The following NOL10 variants were observed in gnomAD, a reference collection of about 807,000 sequenced individuals.
NOL10 encodes the protein nucleolar protein 10, also known as H_NH0074G24.1.
In NOL10, 58 loss-of-function variants were observed where a neutral mutation model predicts 103.5. That is an observed-to-expected ratio of 0.56 (90% confidence interval 0.45 to 0.70). The LOEUF is 0.70. Among genes scored for constraint, NOL10 ranks in the 30% least tolerant of loss-of-function variants. NOL10 has a pLI of 0.00. For missense variants in NOL10, 763 were observed against 807.3 expected (o/e 0.95, Z 0.67); for synonymous variants, 287 against 282.5 (o/e 1.02, Z -0.16).
At chr2:10,688,086 C>T (rs1351274485) in intron 1 of NOL10, among the ~76,000 whole-genome samples, 1 of 152,188 alleles carries the variant, frequency 6.6e-6, no homozygotes, top group Non-Finnish European at 1.5e-5. Context: ...GTCACCTCAA[C>T]TTCCCTCTAC....
chr2:10,677,466 GTT>G lies in NOL10; in HGVS notation c.212-1597_212-1596del, dbSNP rs199868603. 7.9e-4 allele frequency among the ~76,000 whole-genome samples: 110 copies of G among 138,792 alleles called. No homozygotes were observed. The South Asian group carries it at 0.011, about 14-fold the overall frequency. 91.1% of individuals were successfully genotyped at this position (138,792 alleles called of 152,430 possible). ...GTTATTTTGTGGGGTTTTCTTTGGT[GTT>G]TTTTTTTTTTTTCCTTTTTTGAAAT... On this transcript the variant is annotated intron_variant, in intron 3 of 20. Transcript: ENST00000381685.
At chr2:10,677,529 G>A (rs1681400908) in intron 3 of NOL10, among the ~76,000 whole-genome samples, 1 of 151,286 alleles carries the variant, frequency 6.6e-6, no homozygotes, top group African/African-American at 2.4e-5. Context: ...GGAGCACAGA[G>A]GTGCAATCAC....
chr2:10,647,793 G>A (rs965130117), intron 12 of NOL10, among the ~76,000 whole-genome samples: 4 of 152,174 alleles, frequency 2.6e-5, no homozygotes, highest in African/African-American at 9.7e-5. Context: ...AGGCACTGAC[G>A]GAATAAAAGG....
intron 13 of NOL10, among the ~76,000 whole-genome samples, chr2:10,637,021 G>T (rs1372928323): frequency 6.6e-6 from 1 of 151,864 alleles, no homozygotes; most frequent in Non-Finnish European, 1.5e-5. Flanking sequence ...GGCCAACACA[G>T]CAAAACCCCA....
chr2:10,629,421 T>TG (rs1677691692), intron 13 of NOL10, among the ~76,000 whole-genome samples: 2 of 152,060 alleles, frequency 1.3e-5, no homozygotes, highest in South Asian at 2.1e-4. Flanking sequence ...AAATGTTTAG[T>TG]GGGAAAAAAA....
chr2:10,571,844 G>A lies in NOL10; in HGVS notation c.*227C>T. On this transcript the variant is annotated 3_prime_UTR_variant, in exon 21 of 21. Coordinates refer to ENST00000381685, the MANE Select transcript of NOL10 (RefSeq NM_024894.4). ...GTGGGGAAAGGACAATGTTTCCAGG[G>A]AGCAACGACTCGCAAGCACACCCCT... 1 of 414,558 alleles carries A rather than the reference G, an allele frequency of 2.4e-6. No homozygotes were observed. Among genetic ancestry groups the A allele is most frequent in the East Asian group, 3.8e-5 (1 of 26,396 alleles). The allele number at this position is 414,558 out of a possible 1,614,324, so 25.7% of individuals were successfully genotyped here. A position where few individuals can be genotyped will look rare whatever the true frequency, so the allele number is the denominator to read the frequency against.
intron 19 of NOL10, among the ~76,000 whole-genome samples, chr2:10,578,585 C>T (rs1674593711): frequency 6.6e-6 from 1 of 152,264 alleles, no homozygotes; most frequent in South Asian, 2.1e-4. Flanking sequence ...GTAATTAACA[C>T]AATCCCCCTC....
chr2:10,677,089 C>A (rs1169562439), intron 3 of NOL10, among the ~76,000 whole-genome samples: 2 of 151,940 alleles, frequency 1.3e-5, no homozygotes, highest in African/African-American at 4.8e-5. Flanking sequence ...CAGGTGCCTG[C>A]CGCCACATCT....
In NOL10 at chr2:10,571,330, G is replaced by C. The variant is rs947871685; in HGVS notation, c.*741C>G. 6.6e-6 allele frequency: 1 copy of C among 152,614 alleles called. No individual in the cohort carries two copies. Among genetic ancestry groups the C allele is most frequent in the African/African-American group, 2.4e-5 (1 of 41,426 alleles). 9.5% of individuals were successfully genotyped at this position (152,614 alleles called of 1,614,324 possible). On this transcript the variant is annotated 3_prime_UTR_variant, in exon 21 of 21. Coordinates refer to ENST00000381685, the MANE Select transcript of NOL10 (RefSeq NM_024894.4). ...TTCCGCTTCACCTTCTGCCACGATTGTAAGCTTCCCAGGGCCTCCACAGCC... is the reference window on the plus strand; with the variant it reads ...TTCCGCTTCACCTTCTGCCACGATTCTAAGCTTCCCAGGGCCTCCACAGCC...
chr2:10,641,213 C>G (rs1026239531), intron 13 of NOL10, among the ~76,000 whole-genome samples: 1 of 150,196 alleles, frequency 6.7e-6, no homozygotes, highest in Admixed American at 6.6e-5. Flanking sequence ...TGTGGTGGCA[C>G]ATGCCTGTAA....
chr2:10,634,340 G>A (rs1324154853), intron 13 of NOL10, among the ~76,000 whole-genome samples: 2 of 152,182 alleles, frequency 1.3e-5, no homozygotes, highest in Admixed American at 6.5e-5. Flanking sequence ...AAGTGGAGAG[G>A]AGAGGAAACA....
At chr2:10,602,463 T>C (rs970198166) in intron 16 of NOL10, among the ~76,000 whole-genome samples, 1 of 152,216 alleles carries the variant, frequency 6.6e-6, no homozygotes, top group Non-Finnish European at 1.5e-5. Flanking sequence ...AAAGCCCGGA[T>C]ACTCCAAAAA....
chr2:10,626,987 G>A (rs949027252), intron 13 of NOL10, among the ~76,000 whole-genome samples: 10 of 152,282 alleles, frequency 6.6e-5, no homozygotes, highest in African/African-American at 9.6e-5. Flanking sequence ...CTGTATGTCC[G>A]CTATTCTTGT....
chr2:10,653,916 C>G (rs1382888092), intron 12 of NOL10, among the ~76,000 whole-genome samples: 2 of 152,212 alleles, frequency 1.3e-5, no homozygotes, highest in Non-Finnish European at 2.9e-5. Flanking sequence ...TCAAGATGAT[C>G]TGGGTACCTC....
At position 10,656,582 on chromosome 2, in the gene NOL10, T is replaced by TA. The variant is rs1319291251; in HGVS notation, c.906+1159dup. On this transcript the variant is annotated intron_variant, in intron 11 of 20. Coordinates refer to ENST00000381685, the MANE Select transcript of NOL10 (RefSeq NM_024894.4). ...CTTCAGGAATTAACAAAATGAAATT[T>TA]AAAAAACCAAAGTAACAGCCCAGAA... 2.6e-5 allele frequency among the ~76,000 whole-genome samples: 4 copies of TA among 152,172 alleles called. No individual in the cohort carries two copies. In the East Asian group the frequency reaches 5.8e-4, roughly 22 times the overall value.
chr2:10,622,224 AC>A (rs368847736), intron 13 of NOL10: 1 of 466,018 alleles, frequency 2.1e-6, no homozygotes, highest in Non-Finnish European at 4.4e-6. Flanking sequence ...ACACAACAAA[AC>A]ACTATGCAAC....
In NOL10 at chr2:10,592,875, G is replaced by A. The variant is rs1675462110; in HGVS notation, c.1423-3124C>T. On this transcript the variant is annotated intron_variant, in intron 17 of 20. Coordinates refer to ENST00000381685, the MANE Select transcript of NOL10 (RefSeq NM_024894.4). ...CTGTTTGTTTTCACAGCTGTCTTAA[G>A]GAAAAAAGTAGGATAAGGTATAGCT... 5.3e-5 allele frequency among the ~76,000 whole-genome samples: 8 copies of A among 152,142 alleles called. No individual in the cohort carries two copies. The South Asian group carries it at 1.7e-3, about 32-fold the overall frequency.
rs71392244 is a variant in NOL10, at chr2:10,607,172, A to ATT, written c.1153+11_1153+12dup. The ATT allele has an allele frequency of 1.3e-4, 172 of 1,351,016 alleles. No homozygotes were observed. The highest frequency in any genetic ancestry group is 6.4e-4 in the Admixed American group (28 of 43,868). 83.7% of individuals were successfully genotyped at this position (1,351,016 alleles called of 1,614,324 possible). ...AGTAATTACATAATATTTCATCACA[A>ATT]TTTTTTTTTTACCTAAATTTTCAAG... On this transcript the variant is annotated intron_variant, in intron 14 of 20. Coordinates refer to ENST00000381685, the MANE Select transcript of NOL10 (RefSeq NM_024894.4).
At chr2:10,623,832 A>C (rs1459698606) in intron 13 of NOL10, among the ~76,000 whole-genome samples, 1 of 152,246 alleles carries the variant, frequency 6.6e-6, no homozygotes, top group Admixed American at 6.5e-5. Flanking sequence ...AATTAAAACA[A>C]CAATAAGATA....
Sources: allele counts gnomAD v4.1 joint callset (sites outside exome capture counted in the v4.1 genomes callset), GRCh38; gene constraint gnomAD v4.1.1; transcripts MANE v1.5; gene names NCBI Gene and HGNC (gene_info 2026-07-23, HGNC 2026-07-21).